PLCE1: variants seen among roughly 807,000 people sequenced by gnomAD.
The protein encoded by PLCE1 is 1-phosphatidylinositol 4,5-bisphosphate phosphodiesterase epsilon-1.
In PLCE1, 119 loss-of-function variants were observed where a neutral mutation model predicts 242.8. That is an observed-to-expected ratio of 0.49 (90% CI 0.42 to 0.57). The LOEUF (loss-of-function observed/expected upper bound fraction) is 0.57, where lower values mean the gene tolerates loss of function less well. PLCE1 is among the 20% of genes least tolerant of loss of function. PLCE1 has a pLI of 0.00. For missense variants in PLCE1, 2,441 were observed against 2,788.8 expected (o/e 0.88, Z 2.81); for synonymous variants, 945 against 1,017.4 (o/e 0.93, Z 1.35).
At chr10:94,143,122 C>G (rs2136033202) in intron 3 of PLCE1, among the ~76,000 whole-genome samples, 1 of 152,312 alleles carries the variant, frequency 6.6e-6, no homozygotes, top group East Asian at 1.9e-4. Context: ...GAGGTTTCTA[C>G]AACCATTTAA....
chr10:94,138,090 C>A, intron 3 of PLCE1: 1 of 354,870 alleles, frequency 2.8e-6, no homozygotes, highest in Non-Finnish European at 5.5e-6. Flanking sequence ...GGCTCTGTGG[C>A]AAGTTCTGTG....
chr10:94,325,206 GA>G, intron 32 of PLCE1, 102 bp downstream of exon 32: 1 of 866,266 alleles, frequency 1.2e-6, no homozygotes, highest in Non-Finnish European at 1.9e-6. Flanking sequence ...CCAACAGGAG[GA>G]TGTCCCTTGA....
chr10:94,048,681 A>ATATATTTATAT lies in PLCE1; in HGVS notation c.1206+16432_1206+16433insATTTATATTAT, dbSNP rs2043668385. 3.5e-5 allele frequency among the ~76,000 whole-genome samples: 5 copies of ATATATTTATAT among 144,398 alleles called. No individual in the cohort carries two copies. In the Admixed American group the frequency reaches 3.5e-4, roughly 10 times the overall value. The allele number at this position is 144,398 out of a possible 152,430, so 94.7% of individuals were successfully genotyped here. On this transcript the variant is annotated intron_variant, in intron 2 of 32. Coordinates refer to ENST00000371380, the MANE Select transcript of PLCE1 (RefSeq NM_016341.4). ...GTGCATATATACATATATATTTAAT[A>ATATATTTATAT]TATTTATAAATAATATAAATATATA...
chr10:94,087,511 G>C (rs573062380), intron 2 of PLCE1, among the ~76,000 whole-genome samples: 2 of 151,896 alleles, frequency 1.3e-5, no homozygotes, highest in African/African-American at 2.4e-5. Context: ...TGTGATCACA[G>C]CTGTAACCTC....
chr10:94,126,350 C>G (rs966748461), intron 2 of PLCE1, among the ~76,000 whole-genome samples: 1 of 152,164 alleles, frequency 6.6e-6, no homozygotes, highest in Non-Finnish European at 1.5e-5. Flanking sequence ...AACTTTGACT[C>G]CTTTCCTTTC....
chr10:94,092,265 G>A (rs1218773352), intron 2 of PLCE1, among the ~76,000 whole-genome samples: 2 of 152,130 alleles, frequency 1.3e-5, no homozygotes, highest in Non-Finnish European at 2.9e-5. Flanking sequence ...GAGAGGCACG[G>A]GTGAGAAGAA....
At chr10:93,999,351 A>T (rs1441080245) in intron 1 of PLCE1, among the ~76,000 whole-genome samples, 1 of 152,196 alleles carries the variant, frequency 6.6e-6, no homozygotes, top group Non-Finnish European at 1.5e-5. Flanking sequence ...GAGGTTAAGT[A>T]ACTTACCCAA....
intron 2 of PLCE1, among the ~76,000 whole-genome samples, chr10:94,066,601 C>T (rs1277987913): frequency 6.6e-6 from 1 of 152,106 alleles, no homozygotes; most frequent in Non-Finnish European, 1.5e-5. Flanking sequence ...GACAGCATTC[C>T]TTGGACGCTC....
At chr10:94,280,909 T>G (rs2052185910) in intron 20 of PLCE1, among the ~76,000 whole-genome samples, 1 of 152,220 alleles carries the variant, frequency 6.6e-6, no homozygotes, top group African/African-American at 2.4e-5. Context: ...AATACCAAAC[T>G]GTCTGCCCCC....
At chr10:94,314,137 A>G (rs2053487563) in intron 28 of PLCE1, among the ~76,000 whole-genome samples, 1 of 152,156 alleles carries the variant, frequency 6.6e-6, no homozygotes, top group Non-Finnish European at 1.5e-5. Flanking sequence ...AGAGTGAGAG[A>G]GCCAGGGACA....
chr10:94,116,562 G>T (rs998680433), intron 2 of PLCE1, among the ~76,000 whole-genome samples: 10 of 152,294 alleles, frequency 6.6e-5, no homozygotes, highest in African/African-American at 2.4e-4. Context: ...GGGCGTGGTG[G>T]CAGGTGCCTG....
At position 94,330,646 on chromosome 10, in the gene PLCE1, T is replaced by G. The variant is rs1465956639; in HGVS notation, c.*2703T>G. ...CGCAGAGGTTGCAGTGAGTGGAGACTGTGCCACTGCACTCCAGCCTGGGTA... is the reference window on the plus strand; with the variant it reads ...CGCAGAGGTTGCAGTGAGTGGAGACGGTGCCACTGCACTCCAGCCTGGGTA... On this transcript the variant is annotated 3_prime_UTR_variant, in exon 33 of 33. Transcript: ENST00000371380. 6.7e-6 allele frequency: 1 copy of G among 149,946 alleles called. No individual in the cohort carries two copies. The highest frequency in any genetic ancestry group is 1.5e-5 in the Non-Finnish European group (1 of 67,804). The allele number at this position is 149,946 out of a possible 1,614,324, so 9.3% of individuals were successfully genotyped here.
intron 1 of PLCE1, among the ~76,000 whole-genome samples, chr10:94,016,391 C>T (rs963957554): frequency 3.9e-5 from 6 of 151,982 alleles, no homozygotes; most frequent in Non-Finnish European, 5.9e-5. Context: ...AAACATTAAA[C>T]TCATTTATGT....
In PLCE1 at chr10:94,234,181, C is replaced by G; in HGVS notation, c.2083C>G (p.Leu695Val). Reference protein sequence around the residue: ...CEYRKVVTRALHIPGCKVVPF... With the variant: ...CEYRKVVTRAVHIPGCKVVPF... Reference sequence around the variant, plus strand: ...GTACAGAAAGGTGGTGACACGTGCCCTGCACATCCCTGGCTGTAAGGTGGT... The same window carrying G: ...GTACAGAAAGGTGGTGACACGTGCCGTGCACATCCCTGGCTGTAAGGTGGT... The change falls in exon 6 of 33, where the codon CTG (leucine) becomes GTG (valine). Residue 695 changes from leucine (L) to valine (V), a missense_variant. Physicochemically the swap from Leu to Val is conservative, Grantham distance 32 (BLOSUM62 1). Around this residue, in one of 5 missense-constraint regions of PLCE1, gnomAD observed 733 missense variants for 754.2 expected, o/e 0.97. Coordinates refer to ENST00000371380, the MANE Select transcript of PLCE1 (RefSeq NM_016341.4). 1 of 1,614,176 alleles carries G rather than the reference C, an allele frequency of 6.2e-7. No homozygotes were observed. Among genetic ancestry groups the G allele is most frequent in the Non-Finnish European group, 8.5e-7 (1 of 1,180,022 alleles).
intron 2 of PLCE1, among the ~76,000 whole-genome samples, chr10:94,079,124 A>G (rs2044586067): frequency 6.6e-6 from 1 of 151,988 alleles, no homozygotes; most frequent in African/African-American, 2.4e-5. Context: ...AATTTTTGAG[A>G]AAAAAAATAG....
At chr10:94,289,903 C>T (rs2052588302) in intron 22 of PLCE1, among the ~76,000 whole-genome samples, 1 of 152,078 alleles carries the variant, frequency 6.6e-6, no homozygotes, top group South Asian at 2.1e-4. Flanking sequence ...TTAACCTTAG[C>T]TTACTGTAAC....
intron 4 of PLCE1, among the ~76,000 whole-genome samples, chr10:94,209,710 T>G (rs924709484): frequency 6.6e-6 from 1 of 152,136 alleles, no homozygotes; most frequent in Admixed American, 6.5e-5. Context: ...ATAAGACACT[T>G]CAAAAATTGT....
chr10:94,265,520 A>G (rs1358188297), intron 14 of PLCE1, 127 bp from the exon 15 acceptor site: 7 of 806,850 alleles, frequency 8.7e-6, no homozygotes, highest in Non-Finnish European at 1.5e-5. Flanking sequence ...TTACTAAATT[A>G]GTTCAAATAT....
At chr10:94,072,509 C>A (rs1021187828) in intron 2 of PLCE1, among the ~76,000 whole-genome samples, 1 of 152,094 alleles carries the variant, frequency 6.6e-6, no homozygotes, top group Non-Finnish European at 1.5e-5. Context: ...AATCTCCTGA[C>A]CTTGTGATCT....
Sources: allele counts gnomAD v4.1 joint callset (sites outside exome capture counted in the v4.1 genomes callset), GRCh38; gene constraint gnomAD v4.1.1; regional missense constraint gnomAD v4.1.1; transcripts MANE v1.5; gene names NCBI Gene and HGNC (gene_info 2026-07-23, HGNC 2026-07-21).